CDH4: variants seen among roughly 807,000 people sequenced by gnomAD.
CDH4 encodes the protein cadherin-4.
A neutral mutation model predicts 86.0 loss-of-function variants in CDH4; 33 were observed. The ratio of observed to expected loss-of-function variants is 0.38; its 90% CI spans 0.29 to 0.51. CDH4 has a LOEUF of 0.51. Among genes scored for constraint, CDH4 ranks in the 20% least tolerant of loss-of-function variants. The probability of loss-of-function intolerance (pLI) is 0.86; values close to 1 mark genes in which losing one functional copy is unlikely to be tolerated. For missense variants in CDH4, 1,114 were observed against 1,307.4 expected (o/e 0.85, Z 2.28); for synonymous variants, 555 against 549.4 (o/e 1.01, Z -0.14).
intron 3 of CDH4, among the ~76,000 whole-genome samples, chr20:61,753,492 C>T (rs532739246): frequency 1.3e-5 from 2 of 152,138 alleles, no homozygotes; most frequent in Non-Finnish European, 2.9e-5. Context: ...TGCAGTCTTG[C>T]AGGAAAGCTG....
chr20:61,729,335 T>G (rs1248127455), intron 2 of CDH4, among the ~76,000 whole-genome samples: 1 of 152,206 alleles, frequency 6.6e-6, no homozygotes, highest in Non-Finnish European at 1.5e-5. Context: ...ACAGCTCAGT[T>G]TCTACGGCCA....
intron 3 of CDH4, among the ~76,000 whole-genome samples, chr20:61,750,529 C>G (rs2088479687): frequency 6.6e-6 from 1 of 152,290 alleles, no homozygotes; most frequent in African/African-American, 2.4e-5. Context: ...CCCAAGCTGT[C>G]AGGAAAAATT....
intron 2 of CDH4, among the ~76,000 whole-genome samples, chr20:61,455,305 C>G (rs1047289721): frequency 1.3e-5 from 2 of 152,198 alleles, no homozygotes; most frequent in African/African-American, 4.8e-5. Flanking sequence ...TATGGCTTGT[C>G]CATGAAACCT....
intron 2 of CDH4, among the ~76,000 whole-genome samples, chr20:61,348,848 C>T (rs778216045): frequency 3.3e-5 from 5 of 152,080 alleles, no homozygotes; most frequent in Non-Finnish European, 5.9e-5. Flanking sequence ...GAAGAGAAAG[C>T]CATTTGGATT....
chr20:61,460,032 G>A (rs1350358804), intron 2 of CDH4, among the ~76,000 whole-genome samples: 2 of 152,156 alleles, frequency 1.3e-5, no homozygotes, highest in Non-Finnish European at 2.9e-5. Context: ...CGAGGCCCAA[G>A]CAGAGGCTGA....
rs138949092 is a variant in CDH4, at chr20:61,582,774, T to G, written c.170-160789T>G. ...GCCTGCCCTTCGTTTCTTTAACAGT[T>G]TTATTAAGGTGTAATTTACATGCCC... On this transcript the variant is annotated intron_variant, in intron 2 of 15. Coordinates refer to ENST00000614565, the MANE Select transcript of CDH4 (RefSeq NM_001794.5). This position sits in a 1 kb window ranked among gnomAD's most constrained non-coding sequence, Gnocchi z 4.2. Among the ~76,000 whole-genome samples, 48 of 152,012 alleles carry G rather than the reference T, an allele frequency of 3.2e-4. No individual in the cohort carries two copies. Among genetic ancestry groups the G allele is most frequent in the African/African-American group, 6.3e-4 (26 of 41,474 alleles).
In CDH4 at chr20:61,269,514, G is replaced by T. The variant is rs1263593383; in HGVS notation, c.169+14577G>T. Reference sequence around the variant, plus strand: ...ATGAGGGCCTGGAAGACCCAGCAGGGTGATCCGTGTCCCTGTGTATGGAGG... The same window carrying T: ...ATGAGGGCCTGGAAGACCCAGCAGGTTGATCCGTGTCCCTGTGTATGGAGG... On this transcript the variant is annotated intron_variant, in intron 2 of 15. Transcript: ENST00000614565. The surrounding 1 kb of genome is among the most constrained non-coding windows in gnomAD (Gnocchi z 5.3). 1.3e-5 allele frequency among the ~76,000 whole-genome samples: 2 copies of T among 152,140 alleles called. No individual in the cohort carries two copies.
Position 61,902,397 on chromosome 20 carries a change from G to A in CDH4, c.1188+7350G>A, listed in dbSNP as rs553784661. ...ATGCCAGCCATGCCCTGGGGCACGC[G>A]GTCACCACCCCGCAGAACCGCTCCC... On this transcript the variant is annotated intron_variant, in intron 8 of 15. Transcript: ENST00000614565. The surrounding 1 kb of genome is among the most constrained non-coding windows in gnomAD (Gnocchi z 4.6). 6.6e-5 allele frequency among the ~76,000 whole-genome samples: 10 copies of A among 152,364 alleles called. No individual in the cohort carries two copies. The East Asian group carries it at 9.6e-4, about 15-fold the overall frequency.
rs562776088 is a variant in CDH4, at chr20:61,856,972, A to G, written c.877+4074A>G. ...CAACCCCACCCTCCTTTCTCCTCCA[A>G]GAGATCCTCTCTGCTGCAGCCACCA... On this transcript the variant is annotated intron_variant, in intron 6 of 15. Transcript: ENST00000614565. Among the ~76,000 whole-genome samples the G allele has an allele frequency of 1.2e-3, 181 of 152,328 alleles. 3 individuals are homozygous for G. In the South Asian group the frequency reaches 0.036, roughly 30 times the overall value.
At chr20:61,560,113 T>C (rs2086205765) in intron 2 of CDH4, among the ~76,000 whole-genome samples, 1 of 152,180 alleles carries the variant, frequency 6.6e-6, no homozygotes, top group South Asian at 2.1e-4. Flanking sequence ...GCTCTGCTTA[T>C]CTGGTCGGCG....
rs1369556774 is a variant in CDH4 at position 61,788,931 on chromosome 20, C to G, written c.576+15749C>G. On this transcript the variant is annotated intron_variant, in intron 4 of 15. Coordinates refer to ENST00000614565, the MANE Select transcript of CDH4 (RefSeq NM_001794.5). ...AAATGCTGCTTCAGTTTCCACTTCC[C>G]TAGTGGTGCTGAAACAGTCAGGCTT... 2.0e-5 allele frequency among the ~76,000 whole-genome samples: 3 copies of G among 152,222 alleles called. No homozygotes were observed. The East Asian group carries it at 5.8e-4, about 29-fold the overall frequency.
chr20:61,927,433 G>C (rs1349603155), intron 11 of CDH4, among the ~76,000 whole-genome samples: 3 of 152,192 alleles, frequency 2.0e-5, no homozygotes, highest in African/African-American at 4.8e-5. Flanking sequence ...AGGTCATCGG[G>C]TCCTCCAAGG....
In CDH4 at chr20:61,895,084, G is replaced by A. The variant is rs541740140; in HGVS notation, c.1188+37G>A. 239 of 1,607,104 alleles carry A rather than the reference G, an allele frequency of 1.5e-4. No individual in the cohort carries two copies. The East Asian group carries it at 3.5e-3, about 24-fold the overall frequency. On this transcript the variant is annotated intron_variant, in intron 8 of 15. Coordinates refer to ENST00000614565, the MANE Select transcript of CDH4 (RefSeq NM_001794.5). ...GAAGCTGCCCAGTGACGCATGGCCC[G>A]TGCAGGGCAGGAATGCACTGGCGTG...
chr20:61,676,721 A>T lies in CDH4; in HGVS notation c.170-66842A>T, dbSNP rs1357540770. ...GGAAGTGACCAGATGATAAACCTTGATGTAATACAAATGTAAATGATGCTG... is the reference window on the plus strand; with the variant it reads ...GGAAGTGACCAGATGATAAACCTTGTTGTAATACAAATGTAAATGATGCTG... On this transcript the variant is annotated intron_variant, in intron 2 of 15. Coordinates refer to ENST00000614565, the MANE Select transcript of CDH4 (RefSeq NM_001794.5). The surrounding 1 kb of genome is among the most constrained non-coding windows in gnomAD (Gnocchi z 4.5). Among the ~76,000 whole-genome samples the T allele has an allele frequency of 6.6e-6, 1 of 152,222 alleles. No homozygotes were observed. The highest frequency in any genetic ancestry group is 2.4e-5 in the African/African-American group (1 of 41,454).
chr20:61,932,438 G>A (rs1458507099), intron 13 of CDH4, among the ~76,000 whole-genome samples: 1 of 152,148 alleles, frequency 6.6e-6, no homozygotes, highest in African/African-American at 2.4e-5. Context: ...ACAGACACAT[G>A]GGCACACATG....
rs570584441 is a variant in CDH4 at position 61,417,752 on chromosome 20, C to G, written c.169+162815C>G. On this transcript the variant is annotated intron_variant, in intron 2 of 15. Transcript: ENST00000614565. This position sits in a 1 kb window ranked among gnomAD's most constrained non-coding sequence, Gnocchi z 4.0. ...ACATGGCGGGAAGTGGGCACAGGAG[C>G]CTTGACCTGACAAGGTCCTCGAGGC... 2.5e-4 allele frequency among the ~76,000 whole-genome samples: 38 copies of G among 152,224 alleles called. No individual in the cohort carries two copies. Among genetic ancestry groups the G allele is most frequent in the Non-Finnish European group, 4.9e-4 (33 of 68,020 alleles).
Position 61,940,455 on chromosome 20 carries a change from AAAAAAAAAAAG to A in CDH4, c.*3513_*3523del, listed in dbSNP as rs1370039273. On this transcript the variant is annotated 3_prime_UTR_variant, in exon 16 of 16. Coordinates refer to ENST00000614565, the MANE Select transcript of CDH4 (RefSeq NM_001794.5). ...ATTGTTGTTTGTATCATTTTGTACCAAAAAAAAAAAGGAAAAAAAAAGGGAAGAGAGTTGAT... is the reference window on the plus strand; with the variant it reads ...ATTGTTGTTTGTATCATTTTGTACCAGAAAAAAAAAGGGAAGAGAGTTGAT... The A allele has an allele frequency of 1.4e-5, 2 of 144,174 alleles. No individual in the cohort carries two copies. Among genetic ancestry groups the A allele is most frequent in the African/African-American group, 2.6e-5 (1 of 39,108 alleles). 8.9% of individuals were successfully genotyped at this position (144,174 alleles called of 1,614,324 possible). A position where few individuals can be genotyped will look rare whatever the true frequency, so the allele number is the denominator to read the frequency against.
rs185072744 is a variant in CDH4, at chr20:61,811,043, G to A, written c.577-33625G>A. Among the ~76,000 whole-genome samples the A allele has an allele frequency of 1.1e-4, 17 of 152,262 alleles. No homozygotes were observed. Among genetic ancestry groups the A allele is most frequent in the Admixed American group, 7.9e-4 (12 of 15,286 alleles). ...CTTCATCCCCTGCAAAACTAATGGC[G>A]CGGTGCTGACTGCCGCATCCTCAGC... On this transcript the variant is annotated intron_variant, in intron 4 of 15. Coordinates refer to ENST00000614565, the MANE Select transcript of CDH4 (RefSeq NM_001794.5). The surrounding 1 kb of genome is among the most constrained non-coding windows in gnomAD (Gnocchi z 4.4).
At chr20:61,442,596 G>C (rs2085320224) in intron 2 of CDH4, among the ~76,000 whole-genome samples, 1 of 152,182 alleles carries the variant, frequency 6.6e-6, no homozygotes, top group African/African-American at 2.4e-5. Context: ...TGCAGTGAGG[G>C]GCAGAAGGCT....
Sources: gnomAD v4.1 joint callset for allele counts (sites outside exome capture counted in the v4.1 genomes callset) on GRCh38, gnomAD v4.1.1 for gene constraint, Gnocchi (gnomAD v3.1) non-coding constraint, MANE v1.5 for transcripts, NCBI Gene and HGNC (gene_info 2026-07-23, HGNC 2026-07-21) for gene names.